Variants in DRC9 observed in about 807,000 individuals in gnomAD.
The protein encoded by DRC9 is dynein regulatory complex protein 9.
At chr3:197,932,365 TG>T in the DRC9 span, 1 of 1,402,726 alleles carries the variant, frequency 7.1e-7, no homozygotes, top group Non-Finnish European at 9.9e-7. Context: ...CCGGGCATGG[TG>T]GCTCACCCCT....
chr3:197,955,956 T>C, the DRC9 span: 142 of 615,704 alleles, frequency 2.3e-4, no homozygotes, highest in East Asian at 3.9e-3. Flanking sequence ...TACAGAGATT[T>C]AGAAGGGAAC....
the DRC9 span, among the ~76,000 whole-genome samples, chr3:197,909,609 T>C: frequency 6.6e-6 from 1 of 152,254 alleles, no homozygotes; most frequent in Admixed American, 6.5e-5. Flanking sequence ...TCAGCTGTAC[T>C]GCTACAGAAA....
chr3:197,954,268 A>G, the DRC9 span: 13 of 939,356 alleles, frequency 1.4e-5, no homozygotes, highest in East Asian at 3.3e-4. Context: ...ATGCTGCAAA[A>G]TTTGTGTATT....
chr3:197,954,980 TCTC>T, the DRC9 span, among the ~76,000 whole-genome samples: 1 of 152,178 alleles, frequency 6.6e-6, no homozygotes, highest in Non-Finnish European at 1.5e-5. Context: ...GAAAACAGAC[TCTC>T]ATGTTCCTAG....
At chr3:197,907,843 C>A in the DRC9 span, among the ~76,000 whole-genome samples, 1 of 144,972 alleles carries the variant, frequency 6.9e-6, no homozygotes, top group Non-Finnish European at 1.5e-5. Flanking sequence ...GTCTGAAGAG[C>A]AACCCTTTCC....
At chr3:197,894,777 G>A in the DRC9 span, among the ~76,000 whole-genome samples, 1 of 152,248 alleles carries the variant, frequency 6.6e-6, no homozygotes, top group African/African-American at 2.4e-5. Context: ...CAATCATTGC[G>A]ATTACACTGA....
At chr3:197,913,499 G>T in the DRC9 span, 1 of 330,938 alleles carries the variant, frequency 3.0e-6, no homozygotes, top group South Asian at 3.8e-5. Context: ...TTTCTTACTG[G>T]AGGAGTGAAA....
the DRC9 span, among the ~76,000 whole-genome samples, chr3:197,933,806 T>C: frequency 6.6e-6 from 1 of 151,672 alleles, no homozygotes; most frequent in East Asian, 1.9e-4. Context: ...TTACATGTTA[T>C]TATTTTTATT....
At chr3:197,951,382 C>G in the DRC9 span, 1 of 1,518,700 alleles carries the variant, frequency 6.6e-7, no homozygotes, top group Non-Finnish European at 9.1e-7. Context: ...ATAACGGAGT[C>G]TTGCTCTGTT....
the DRC9 span, chr3:197,913,074 C>G: frequency 3.8e-6 from 1 of 265,874 alleles, no homozygotes; most frequent in African/African-American, 2.2e-5. Flanking sequence ...AGAGTGTTGA[C>G]GTGGCCTTGA....
the DRC9 span, among the ~76,000 whole-genome samples, chr3:197,925,561 C>T: frequency 6.7e-6 from 1 of 150,050 alleles, no homozygotes; most frequent in African/African-American, 2.5e-5. Context: ...CAGGCCAGCT[C>T]TCTACTTGCT....
the DRC9 span, among the ~76,000 whole-genome samples, chr3:197,942,267 C>A: frequency 6.6e-6 from 1 of 151,452 alleles, no homozygotes; most frequent in African/African-American, 2.4e-5. Context: ...TTTAAGAACC[C>A]GGGCTGCTCG....
the DRC9 span, among the ~76,000 whole-genome samples, chr3:197,934,183 C>CT: frequency 1.2e-3 from 121 of 99,456 alleles, 4 homozygotes; most frequent in East Asian, 3.9e-3. Flanking sequence ...CATTCTGGGT[C>CT]TTTTTTTTTT....
chr3:197,915,163 C>CAAAAAAAAAAAAA, the DRC9 span, among the ~76,000 whole-genome samples: 5 of 71,338 alleles, frequency 7.0e-5, no homozygotes, highest in Admixed American at 3.5e-4. Flanking sequence ...GATTCTGTCT[C>CAAAAAAAAAAAAA]AAAAAAAAAA....
chr3:197,912,339 C>T, the DRC9 span: 1 of 209,596 alleles, frequency 4.8e-6, no homozygotes, highest in Admixed American at 5.7e-5. Flanking sequence ...TGTGCCCAGC[C>T]CATAAATTTG....
At chr3:197,946,082 G>C in the DRC9 span, among the ~76,000 whole-genome samples, 3 of 152,140 alleles carry the variant, frequency 2.0e-5, no homozygotes, top group Non-Finnish European at 1.5e-5. Flanking sequence ...TTCTCTGCCA[G>C]ATAACAGAAT....
At chr3:197,954,279 G>T in the DRC9 span, 2 of 870,360 alleles carry the variant, frequency 2.3e-6, no homozygotes, top group Non-Finnish European at 1.9e-6. Flanking sequence ...TTTGTGTATT[G>T]CAGAACACTG....
At chr3:197,941,398 C>T in the DRC9 span, among the ~76,000 whole-genome samples, 1 of 53,514 alleles carries the variant, frequency 1.9e-5, no homozygotes, top group Admixed American at 1.5e-4. Flanking sequence ...CTTCCCCCTC[C>T]CTCCTCTCCC....
chr3:197,943,385 T>C, the DRC9 span, among the ~76,000 whole-genome samples: 1 of 152,210 alleles, frequency 6.6e-6, no homozygotes, highest in African/African-American at 2.4e-5. Flanking sequence ...ATAGTTATTG[T>C]AGCCCCTTTA....
Sources: allele counts gnomAD v4.1 joint callset (sites outside exome capture counted in the v4.1 genomes callset), GRCh38; gene constraint gnomAD v4.1.1; transcripts MANE v1.5; gene names NCBI Gene and HGNC (gene_info 2026-07-23, HGNC 2026-07-21).